ZFPM2: variants seen among roughly 807,000 people sequenced by gnomAD.
ZFPM2 encodes zinc finger protein ZFPM2.
Under a neutral mutation model 98.6 loss-of-function variants are expected in ZFPM2, and 20 were observed. The observed-to-expected ratio is 0.20, with a 90% confidence interval of 0.14 to 0.29. The LOEUF (loss-of-function observed/expected upper bound fraction) is 0.29. Ranked by LOEUF, ZFPM2 falls within the 10% of genes least tolerant of loss-of-function variation. The pLI, the probability that ZFPM2 is intolerant of heterozygous loss-of-function variation, is 1.00. For synonymous variants in ZFPM2, 518 were observed against 502.7 expected, an observed-to-expected ratio of 1.03 and a Z score of -0.41; for missense variants, 1,310 against 1,388.6, an observed-to-expected ratio of 0.94 and a Z score of 0.90.
At chr8:105,747,099 C>T (rs927073339) in intron 5 of ZFPM2, among the ~76,000 whole-genome samples, 2 of 151,912 alleles carry the variant, frequency 1.3e-5, no homozygotes, top group Non-Finnish European at 2.9e-5. Flanking sequence ...ATTAAGGATG[C>T]AGACTAATGC....
intron 5 of ZFPM2, 142 bp from the exon 6 acceptor site, chr8:105,788,576 C>T: frequency 3.9e-6 from 3 of 760,280 alleles, no homozygotes; most frequent in East Asian, 5.3e-5. Context: ...AAGAGGAACA[C>T]AGCTGTTGCC....
intron 1 of ZFPM2, among the ~76,000 whole-genome samples, chr8:105,407,591 T>TA (rs1166424493): frequency 6.6e-6 from 1 of 151,916 alleles, no homozygotes; most frequent in African/African-American, 2.4e-5. Flanking sequence ...GAAGGTTAAG[T>TA]AAGTCCTGAC....
At chr8:105,717,295 G>T (rs959932431) in intron 5 of ZFPM2, among the ~76,000 whole-genome samples, 8 of 151,886 alleles carry the variant, frequency 5.3e-5, no homozygotes, top group African/African-American at 1.7e-4. Context: ...ACCTTGAGGG[G>T]AAAATCAAAT....
chr8:105,620,950 T>A (rs1816527692), intron 4 of ZFPM2, among the ~76,000 whole-genome samples: 1 of 152,212 alleles, frequency 6.6e-6, no homozygotes, highest in Non-Finnish European at 1.5e-5. Flanking sequence ...TAGTATAGTT[T>A]GAAGTCAGGT....
At chr8:105,724,963 G>A (rs1450588010) in intron 5 of ZFPM2, among the ~76,000 whole-genome samples, 3 of 151,242 alleles carry the variant, frequency 2.0e-5, no homozygotes, top group South Asian at 2.1e-4. Flanking sequence ...AGTGGACCCC[G>A]TGCAGTTCAA....
chr8:105,727,288 C>G (rs775831263), intron 5 of ZFPM2, among the ~76,000 whole-genome samples: 1 of 150,950 alleles, frequency 6.6e-6, no homozygotes, highest in Non-Finnish European at 1.5e-5. Context: ...ATGATCATGC[C>G]GGTTAATAGT....
intron 5 of ZFPM2, among the ~76,000 whole-genome samples, chr8:105,762,966 T>C (rs1325450166): frequency 6.6e-6 from 1 of 151,506 alleles, no homozygotes; most frequent in Admixed American, 6.6e-5. Context: ...TTTGTCTAAA[T>C]AGATGAGAAT....
At chr8:105,687,242 T>C (rs531709487) in intron 5 of ZFPM2, among the ~76,000 whole-genome samples, 1 of 152,294 alleles carries the variant, frequency 6.6e-6, no homozygotes, top group South Asian at 2.1e-4. Context: ...CCCTCCCCAA[T>C]GCATAAGAAA....
chr8:105,478,483 C>A (rs1813053990), intron 3 of ZFPM2, among the ~76,000 whole-genome samples: 1 of 152,162 alleles, frequency 6.6e-6, no homozygotes, highest in African/African-American at 2.4e-5. Flanking sequence ...AATGCCAGAG[C>A]CAGGGTTAGC....
intron 5 of ZFPM2, among the ~76,000 whole-genome samples, chr8:105,650,151 A>G (rs1210834067): frequency 6.6e-6 from 1 of 152,072 alleles, no homozygotes; most frequent in Non-Finnish European, 1.5e-5. Flanking sequence ...TAGATTTTCT[A>G]GTTTGTTTGC....
At chr8:105,446,861 A>C (rs1812381605) in intron 3 of ZFPM2, among the ~76,000 whole-genome samples, 1 of 152,300 alleles carries the variant, frequency 6.6e-6, no homozygotes. Context: ...TCATAACAAT[A>C]TCTATTTATT....
chr8:105,697,194 C>T (rs1811037153), intron 5 of ZFPM2, among the ~76,000 whole-genome samples: 1 of 152,108 alleles, frequency 6.6e-6, no homozygotes, highest in Admixed American at 6.5e-5. Flanking sequence ...TACCTACCTC[C>T]CAAATTTGAA....
At chr8:105,772,576 A>G (rs984911803) in intron 5 of ZFPM2, among the ~76,000 whole-genome samples, 1 of 152,154 alleles carries the variant, frequency 6.6e-6, no homozygotes, top group African/African-American at 2.4e-5. Context: ...GATAGTCTCA[A>G]CCATTCAAAC....
intron 3 of ZFPM2, among the ~76,000 whole-genome samples, chr8:105,496,892 G>C (rs1298320923): frequency 1.4e-5 from 2 of 139,962 alleles, no homozygotes; most frequent in Non-Finnish European, 3.0e-5. Context: ...TGAGGCAGGA[G>C]AATCACTTGA....
At chr8:105,662,161 A>G (rs1817402124) in intron 5 of ZFPM2, among the ~76,000 whole-genome samples, 2 of 152,132 alleles carry the variant, frequency 1.3e-5, no homozygotes, top group Admixed American at 6.5e-5. Flanking sequence ...AGGAATGCGG[A>G]GGAACTGAGA....
chr8:105,423,029 T>G (rs912538339), intron 2 of ZFPM2, among the ~76,000 whole-genome samples: 4 of 150,088 alleles, frequency 2.7e-5, no homozygotes, highest in Admixed American at 1.3e-4. Context: ...CACACTGATA[T>G]TATCTATGTT....
chr8:105,572,033 C>CTTTTTTTTTTTTTT (rs869198147), intron 4 of ZFPM2, among the ~76,000 whole-genome samples: 2 of 103,372 alleles, frequency 1.9e-5, no homozygotes, highest in Non-Finnish European at 3.8e-5. Flanking sequence ...GGGTAAATTT[C>CTTTTTTTTTTTTTT]TTTTTTTTTT....
At chr8:105,655,424 T>A (rs1220898241) in intron 5 of ZFPM2, among the ~76,000 whole-genome samples, 1 of 151,498 alleles carries the variant, frequency 6.6e-6, no homozygotes, top group African/African-American at 2.4e-5. Context: ...AGAGACGGGG[T>A]TTCTCCACAT....
At chr8:105,686,971 A>G (rs1810751543) in intron 5 of ZFPM2, among the ~76,000 whole-genome samples, 1 of 152,156 alleles carries the variant, frequency 6.6e-6, no homozygotes, top group African/African-American at 2.4e-5. Context: ...TCTTCCTTCT[A>G]CGCACACAGC....
Sources: gnomAD v4.1 joint callset for allele counts (sites outside exome capture counted in the v4.1 genomes callset) on GRCh38, gnomAD v4.1.1 for gene constraint, MANE v1.5 for transcripts, NCBI Gene and HGNC (gene_info 2026-07-23, HGNC 2026-07-21) for gene names.